Variants in FRYL observed in about 807,000 individuals in gnomAD.
FRYL encodes FRY like transcription coactivator, also known as protein furry homolog-like.
In FRYL, 150 loss-of-function variants were observed where a neutral mutation model predicts 351.2. The observed-to-expected ratio is 0.43, with a 90% CI of 0.37 to 0.49. The LOEUF is 0.49. Ranked by LOEUF, FRYL falls within the 20% of genes least tolerant of loss-of-function variation. FRYL has a pLI of 0.00. For missense variants in FRYL, 3,036 were observed against 3,619.3 expected (o/e 0.84, Z 4.13); for synonymous variants, 1,153 against 1,257.1 (o/e 0.92, Z 1.75).
At chr4:48,592,101 T>TATATATATATATATATATATATATATAC (rs1158547540) in intron 16 of FRYL, among the ~76,000 whole-genome samples, 29 of 45,028 alleles carry the variant, frequency 6.4e-4, no homozygotes, top group Non-Finnish European at 1.8e-3. Flanking sequence ...TATATATATA[T>TATATATATATATATATATATATATATAC]ATATATATAT....
At chr4:48,510,790 C>A in intron 58 of FRYL, 45 bp downstream of exon 58, 2 of 1,431,384 alleles carry the variant, frequency 1.4e-6, no homozygotes, top group South Asian at 1.2e-5. Context: ...TGAATGATGC[C>A]ATTCCAATGT....
intron 59 of FRYL, chr4:48,506,137 G>T (rs889251535): frequency 6.6e-6 from 1 of 152,100 alleles, no homozygotes; most frequent in African/African-American, 2.4e-5. Context: ...TTTCTTTTTG[G>T]ACAGTAATGA....
chr4:48,759,300 C>T (rs1256911029), intron 1 of FRYL, among the ~76,000 whole-genome samples: 1 of 151,932 alleles, frequency 6.6e-6, no homozygotes, highest in Non-Finnish European at 1.5e-5. Context: ...CTTTTTCTCA[C>T]AAAAAGGAAA....
intron 54 of FRYL, 26 bp from the exon 55 acceptor site, chr4:48,521,241 G>A: frequency 1.3e-6 from 2 of 1,549,546 alleles, no homozygotes; most frequent in South Asian, 2.4e-5. Flanking sequence ...GTAAAATAAG[G>A]AATTCATTTA....
intron 3 of FRYL, among the ~76,000 whole-genome samples, chr4:48,677,577 A>AT (rs1244511041): frequency 6.6e-6 from 1 of 151,932 alleles, no homozygotes; most frequent in Non-Finnish European, 1.5e-5. Context: ...TGCCCGGCTA[A>AT]TTTTTGTATT....
chr4:48,713,050 G>T (rs1262779252), intron 1 of FRYL, among the ~76,000 whole-genome samples: 1 of 151,846 alleles, frequency 6.6e-6, no homozygotes, highest in Non-Finnish European at 1.5e-5. Context: ...GTCACCACCA[G>T]GCCTGCCCTA....
At chr4:48,664,859 G>T (rs961993013) in intron 3 of FRYL, among the ~76,000 whole-genome samples, 3 of 152,106 alleles carry the variant, frequency 2.0e-5, no homozygotes, top group South Asian at 2.1e-4. Flanking sequence ...ATAATGAAGA[G>T]AATCTGTTGC....
At chr4:48,624,599 G>A (rs1751399280) in intron 4 of FRYL, among the ~76,000 whole-genome samples, 1 of 152,232 alleles carries the variant, frequency 6.6e-6, no homozygotes, top group South Asian at 2.1e-4. Flanking sequence ...GCAATGGGTT[G>A]ACAGAAAGTG....
Position 48,531,160 on chromosome 4 carries a change from G to C in FRYL, c.6899C>G (p.Ser2300Cys). 7 of 1,579,740 alleles carry C rather than the reference G, an allele frequency of 4.4e-6. No homozygotes were observed. The highest frequency in any genetic ancestry group is 6.1e-6 in the Non-Finnish European group (7 of 1,150,156). The part of the protein sequence containing the change: ...GKTLDFHFDI[S>C]ETPIIGNKYG... ...ATCAATTTCTGAGCATCTTACCTCA[G>C]ATATATCAAAATGAAAATCTAAGGT... The change falls in exon 50 of 64, where the codon TCT (serine) becomes TGT (cysteine). Residue 2300 changes from serine (S) to cysteine (C), a missense_variant. Coordinates refer to ENST00000358350, the MANE Select transcript of FRYL (RefSeq NM_015030.2).
At chr4:48,653,646 G>T in intron 3 of FRYL, 1 of 1,052,314 alleles carries the variant, frequency 9.5e-7, no homozygotes, top group Non-Finnish European at 1.3e-6. Flanking sequence ...TGAAGAATCA[G>T]CATGCAAGGA....
At chr4:48,749,518 T>C (rs1456379317) in intron 1 of FRYL, among the ~76,000 whole-genome samples, 2 of 152,178 alleles carry the variant, frequency 1.3e-5, no homozygotes, top group Admixed American at 1.3e-4. Flanking sequence ...TAATTTGCCA[T>C]GTGCCTTGTC....
At chr4:48,527,448 A>G (rs779294103) in intron 53 of FRYL, 29 bp downstream of exon 53, 1 of 1,563,270 alleles carries the variant, frequency 6.4e-7, no homozygotes, top group Non-Finnish European at 8.8e-7. Context: ...TGTTCTATAA[A>G]TATTAACAGA....
At chr4:48,556,797 T>C (rs1734214717) in intron 35 of FRYL, among the ~76,000 whole-genome samples, 181 bp downstream of exon 35, 2 of 152,154 alleles carry the variant, frequency 1.3e-5, no homozygotes, top group Non-Finnish European at 2.9e-5. Context: ...CCTGTCATAA[T>C]GATAGATAAC....
chr4:48,710,468 A>G, intron 2 of FRYL, 51 bp downstream of exon 2: 1 of 398,566 alleles, frequency 2.5e-6, no homozygotes, highest in Non-Finnish European at 4.4e-6. Flanking sequence ...ATTAACTCAT[A>G]TATAAAAAAG....
rs752955969 is a variant in FRYL at position 48,609,802 on chromosome 4, C to T, written c.433G>A (p.Asp145Asn). Residue 145 changes from aspartate to asparagine, a missense_variant, in exon 8 of 64, where the codon GAT becomes AAT. Around this residue, in one of 7 missense-constraint regions of FRYL, gnomAD observed 457 missense variants for 566.6 expected, o/e 0.81. Transcript: ENST00000358350. ...LKQIPVHPVP[D>N]PLVHEVLNLA... ...TTTAGAACTTCATGAACTAAGGGAT[C>T]GGGTACAGGATGAACAGGAATCTAG... is the stretch of plus-strand genomic sequence containing the variant. 6 of 1,591,654 alleles carry T rather than the reference C, an allele frequency of 3.8e-6. No homozygotes were observed. The highest frequency in any genetic ancestry group is 3.4e-5 in the Admixed American group (2 of 58,536).
In FRYL at chr4:48,667,690, C is replaced by T. The variant is rs568283186; in HGVS notation, c.-81+16983G>A. 2.6e-5 allele frequency among the ~76,000 whole-genome samples: 4 copies of T among 152,240 alleles called. No individual in the cohort carries two copies. In the East Asian group the frequency reaches 7.7e-4, roughly 29 times the overall value. On this transcript the variant is annotated intron_variant, in intron 3 of 63. Transcript: ENST00000358350. ...GGAGACAGGATCTTGCTCTGTCTCCCAGACTGGAGTGCAGTGGTGCGATCT... is the reference window on the plus strand; with the variant it reads ...GGAGACAGGATCTTGCTCTGTCTCCTAGACTGGAGTGCAGTGGTGCGATCT...
At chr4:48,525,196 T>TATATATATATATATATATAC (rs759279145) in intron 53 of FRYL, among the ~76,000 whole-genome samples, 1 of 133,076 alleles carries the variant, frequency 7.5e-6, no homozygotes, top group African/African-American at 3.0e-5. Flanking sequence ...TATATATATA[T>TATATATATATATATATATAC]ACACACACTT....
At chr4:48,702,711 A>C (rs1174055241) in intron 2 of FRYL, among the ~76,000 whole-genome samples, 1 of 146,830 alleles carries the variant, frequency 6.8e-6, no homozygotes, top group Non-Finnish European at 1.5e-5. Context: ...CAGTGAGAGG[A>C]GATCGGGCCA....
chr4:48,598,662 C>T (rs1745089290), intron 13 of FRYL, among the ~76,000 whole-genome samples: 1 of 152,134 alleles, frequency 6.6e-6, no homozygotes, highest in Admixed American at 6.5e-5. Context: ...TGATATTAAA[C>T]CTTCTGAAGA....
Sources: gnomAD v4.1 joint callset for allele counts (sites outside exome capture counted in the v4.1 genomes callset) on GRCh38, gnomAD v4.1.1 for gene constraint, gnomAD v4.1.1 regional missense constraint, MANE v1.5 for transcripts, NCBI Gene and HGNC (gene_info 2026-07-23, HGNC 2026-07-21) for gene names.